Variants in FHAD1 observed in about 807,000 individuals in gnomAD.
The protein encoded by FHAD1 is forkhead associated phosphopeptide binding domain 1, also known as forkhead-associated domain-containing protein 1.
A neutral mutation model predicts 191.3 loss-of-function variants in FHAD1; 146 were observed. The ratio of observed to expected loss-of-function variants is 0.76; its 90% CI spans 0.67 to 0.88. The LOEUF (loss-of-function observed/expected upper bound fraction) is 0.88, where lower values mean the gene tolerates loss of function less well. Among genes scored for constraint, FHAD1 ranks in the 40% least tolerant of loss-of-function variants. The pLI is 0.00. For synonymous variants in FHAD1, 616 were observed against 672.3 expected (o/e 0.92, Z 1.29); for missense variants, 1,635 against 1,785.8 (o/e 0.92, Z 1.52).
intron 4 of FHAD1, among the ~76,000 whole-genome samples, chr1:15,294,100 G>T (rs1227659877): frequency 6.6e-6 from 1 of 152,170 alleles, no homozygotes; most frequent in Non-Finnish European, 1.5e-5. Context: ...GTTCCCCTGT[G>T]TCAGACCCGG....
At chr1:15,296,361 C>T (rs1013214450) in intron 4 of FHAD1, among the ~76,000 whole-genome samples, 3 of 151,142 alleles carry the variant, frequency 2.0e-5, no homozygotes, top group African/African-American at 4.9e-5. Context: ...TCACGCCATT[C>T]TCCTGCCTCA....
At chr1:15,308,584 C>A (rs988518428) in intron 6 of FHAD1, 29 bp from the exon 7 acceptor site, 1 of 1,551,206 alleles carries the variant, frequency 6.4e-7, no homozygotes, top group South Asian at 1.2e-5. Flanking sequence ...GGGCCAGCCC[C>A]CCTCTGACTG....
chr1:15,254,804 C>A (rs552696170), intron 2 of FHAD1, among the ~76,000 whole-genome samples: 30 of 152,218 alleles, frequency 2.0e-4, no homozygotes, highest in African/African-American at 6.7e-4. Flanking sequence ...GCTTTTATAT[C>A]TTCTCTTAGA....
In FHAD1 at chr1:15,397,839, A is replaced by G. The variant is rs1224194480; in HGVS notation, c.*426A>G. On this transcript the variant is annotated 3_prime_UTR_variant, in exon 34 of 34. Transcript: ENST00000688493. ...TCAGGGCCTTGGGATAGTGAATTCA[A>G]GTCTCCGTTATGGCCTGGCAGGATG... The G allele has an allele frequency of 6.6e-6, 1 of 152,620 alleles. No homozygotes were observed. The highest frequency in any genetic ancestry group is 1.5e-5 in the Non-Finnish European group (1 of 68,338). 9.5% of individuals were successfully genotyped at this position (152,620 alleles called of 1,614,324 possible).
intron 5 of FHAD1, 51 bp downstream of exon 5, chr1:15,296,844 A>G: frequency 6.9e-7 from 1 of 1,441,370 alleles, no homozygotes; most frequent in Non-Finnish European, 9.5e-7. Flanking sequence ...AGCGCACTGC[A>G]AAGGGACTTG....
intron 20 of FHAD1, among the ~76,000 whole-genome samples, chr1:15,355,518 G>C (rs185875169): frequency 2.6e-5 from 4 of 152,352 alleles, no homozygotes; most frequent in Admixed American, 2.6e-4. Context: ...ACAAGCTGCT[G>C]AGTAGCTGCC....
chr1:15,347,774 G>A (rs576023300), intron 18 of FHAD1, among the ~76,000 whole-genome samples: 16 of 152,154 alleles, frequency 1.1e-4, no homozygotes, highest in Non-Finnish European at 1.2e-4. Context: ...TAGATCTTCC[G>A]CCACATCATC....
downstream of FHAD1, among the ~76,000 whole-genome samples, chr1:15,398,361 T>G (rs1706631207): frequency 6.6e-6 from 1 of 152,120 alleles, no homozygotes; most frequent in African/African-American, 2.4e-5. Context: ...GACTAACGTC[T>G]GTATAGCACT....
Position 15,329,359 on chromosome 1 carries a change from T to TA in FHAD1, c.1725dup (p.Ser576IlefsTer6), listed in dbSNP as rs1276869039. 14 of 1,543,322 alleles carry TA rather than the reference T, an allele frequency of 9.1e-6. No homozygotes were observed. Among genetic ancestry groups the TA allele is most frequent in the Non-Finnish European group, 1.8e-6 (2 of 1,140,556 alleles). Reference sequence around the variant, plus strand: ...ACCTCTTTGCAGGCTTGCATGAAAATATCCTGTTGCAGCCATGACCTGAAG... The same window carrying TA: ...ACCTCTTTGCAGGCTTGCATGAAAATAATCCTGTTGCAGCCATGACCTGAAG... On this transcript the variant is annotated frameshift_variant, in exon 14 of 34. Coordinates refer to ENST00000688493, the MANE Select transcript of FHAD1 (RefSeq NM_001391957.1). LOFTEE classifies it high-confidence loss of function. This position sits in a 1 kb window ranked among gnomAD's most constrained non-coding sequence, Gnocchi z 5.0.
chr1:15,390,580 T>G (rs1480654958), intron 32 of FHAD1, among the ~76,000 whole-genome samples: 1 of 152,034 alleles, frequency 6.6e-6, no homozygotes, highest in Admixed American at 6.5e-5. Context: ...AGGTTGGGGA[T>G]CTCTGAGAGG....
chr1:15,364,167 G>A (rs534322542), intron 23 of FHAD1: 24 of 210,596 alleles, frequency 1.1e-4, no homozygotes, highest in Non-Finnish European at 1.9e-4. Context: ...ACACACTCAC[G>A]TGGACACACA....
At chr1:15,274,127 C>T (rs1215257884) in intron 3 of FHAD1, among the ~76,000 whole-genome samples, 1 of 152,192 alleles carries the variant, frequency 6.6e-6, no homozygotes, top group Non-Finnish European at 1.5e-5. Context: ...CCACATTTTG[C>T]TTATCCGTTC....
intron 2 of FHAD1, among the ~76,000 whole-genome samples, chr1:15,257,828 C>T (rs950552699): frequency 6.6e-6 from 1 of 152,126 alleles, no homozygotes; most frequent in Non-Finnish European, 1.5e-5. Flanking sequence ...GCATTAACTG[C>T]ATTCATGTTG....
At chr1:15,294,182 C>T (rs954986121) in intron 4 of FHAD1, among the ~76,000 whole-genome samples, 8 of 152,184 alleles carry the variant, frequency 5.3e-5, no homozygotes, top group African/African-American at 1.9e-4. Context: ...TTGAAAGCAC[C>T]GAGTTTTGAG....
chr1:15,327,234 T>G lies in FHAD1; in HGVS notation c.1557+92T>G. 1.2e-6 allele frequency: 1 copy of G among 818,732 alleles called. No homozygotes were observed. Among genetic ancestry groups the G allele is most frequent in the Non-Finnish European group, 1.9e-6 (1 of 514,584 alleles). The allele number at this position is 818,732 out of a possible 1,614,324, so 50.7% of individuals were successfully genotyped here. On this transcript the variant is annotated intron_variant, in intron 12 of 33. Transcript: ENST00000688493. This position sits in a 1 kb window ranked among gnomAD's most constrained non-coding sequence, Gnocchi z 5.1. ...TCCAGACCCTGGGAGCATATGTTTC[T>G]GTTTTTGTTGGTGGCATATTTTTCA...
At chr1:15,341,042 TGTG>T (rs1368066842) in intron 15 of FHAD1, among the ~76,000 whole-genome samples, 2 of 151,956 alleles carry the variant, frequency 1.3e-5, no homozygotes, top group South Asian at 4.2e-4. Context: ...ATTAGCCAGG[TGTG>T]GTGGTGGGCA....
At chr1:15,271,799 A>G (rs951450733) in intron 2 of FHAD1, among the ~76,000 whole-genome samples, 9 of 152,180 alleles carry the variant, frequency 5.9e-5, no homozygotes, top group South Asian at 2.1e-4. Flanking sequence ...TGGGATTATA[A>G]GTAACGGTAA....
intron 10 of FHAD1, among the ~76,000 whole-genome samples, chr1:15,322,098 G>A (rs1676518105): frequency 6.6e-6 from 1 of 152,150 alleles, no homozygotes. Flanking sequence ...TTATTAGGAT[G>A]TATCTAGGTG....
rs2101860699 is a variant in FHAD1 at position 15,330,000 on chromosome 1, C to T, written c.1906+459C>T. The T allele has an allele frequency of 6.4e-6, 1 of 156,218 alleles. No homozygotes were observed. Among genetic ancestry groups the T allele is most frequent in the South Asian group, 2.0e-4 (1 of 5,116 alleles). 9.7% of individuals were successfully genotyped at this position (156,218 alleles called of 1,614,324 possible). A position where few individuals can be genotyped will look rare whatever the true frequency, so the allele number is the denominator to read the frequency against. On this transcript the variant is annotated intron_variant, in intron 14 of 33. Transcript: ENST00000688493. This position sits in a 1 kb window ranked among gnomAD's most constrained non-coding sequence, Gnocchi z 5.0. ...AGTACTTGGAATAGTACCTGGCACACAATAGGCATTACTGAATGTTTATTG... is the reference window on the plus strand; with the variant it reads ...AGTACTTGGAATAGTACCTGGCACATAATAGGCATTACTGAATGTTTATTG...
Sources: gnomAD v4.1 joint callset for allele counts (sites outside exome capture counted in the v4.1 genomes callset) on GRCh38, gnomAD v4.1.1 for gene constraint, Gnocchi (gnomAD v3.1) non-coding constraint, MANE v1.5 for transcripts, NCBI Gene and HGNC (gene_info 2026-07-23, HGNC 2026-07-21) for gene names.